The following AP2B1 variants were observed in gnomAD, a reference collection of about 807,000 sequenced individuals.
AP2B1 encodes adaptor related protein complex 2 subunit beta 1.
A neutral mutation model predicts 102.0 loss-of-function variants in AP2B1; 23 were observed. That is an observed-to-expected ratio of 0.23 (90% CI 0.16 to 0.32). The LOEUF (loss-of-function observed/expected upper bound fraction) is 0.32. AP2B1 is among the 10% of genes least tolerant of loss of function. The probability of loss-of-function intolerance (pLI) is 1.00; values close to 1 mark genes in which losing one functional copy is unlikely to be tolerated. For synonymous variants in AP2B1, 381 were observed against 421.2 expected, an observed-to-expected ratio of 0.90 and a Z score of 1.17; for missense variants, 541 against 1,157.4, an observed-to-expected ratio of 0.47 and a Z score of 7.73.
intron 9 of AP2B1, among the ~76,000 whole-genome samples, chr17:35,628,975 CAG>C (rs1464048178): frequency 2.0e-5 from 3 of 151,616 alleles, no homozygotes; most frequent in Non-Finnish European, 4.4e-5. Flanking sequence ...ATTTTTGAGA[CAG>C]AGTCTCTGTT....
At chr17:35,662,661 GTGTATA>G (rs1421965839) in intron 14 of AP2B1, among the ~76,000 whole-genome samples, 1 of 151,456 alleles carries the variant, frequency 6.6e-6, no homozygotes, top group East Asian at 1.9e-4. Context: ...TGATGCCCAT[GTGTATA>G]ACTCTTGCAT....
Position 35,657,713 on chromosome 17 carries a change from T to C in AP2B1, c.1911T>C (p.Gly637=). ...LLGDLLNLDL[G]PPVNVPQVSS... ...GGGATCTTTTAAACCTTGACCTCGG[T>C]CCCCCAGTCAATGTGCCACAGGTGT... Residue 637 remains glycine (G), a synonymous_variant, in exon 14 of 22, where the codon GGT becomes GGC. Coordinates refer to ENST00000610402, the MANE Select transcript of AP2B1 (RefSeq NM_001030006.2). The C allele has an allele frequency of 6.2e-7, 1 of 1,614,134 alleles. No homozygotes were observed.
At chr17:35,610,466 A>G (rs2073824841) in intron 5 of AP2B1, among the ~76,000 whole-genome samples, 1 of 152,016 alleles carries the variant, frequency 6.6e-6, no homozygotes, top group Admixed American at 6.5e-5. Context: ...AAAATTACAT[A>G]AAGAAATTAG....
chr17:35,635,067 T>G (rs225266), intron 9 of AP2B1, among the ~76,000 whole-genome samples: 129,270 of 151,344 alleles, frequency 0.85, 55,415 homozygotes, highest in East Asian at 0.97. Context: ...TTTGGTGGGG[T>G]TGGGGGCATA....
At chr17:35,669,935 AAC>A (rs2075550977) in intron 14 of AP2B1, among the ~76,000 whole-genome samples, 1 of 152,212 alleles carries the variant, frequency 6.6e-6, no homozygotes, top group Non-Finnish European at 1.5e-5. Context: ...TTGCTTTTTA[AAC>A]AGCTCCATTA....
intron 20 of AP2B1, chr17:35,713,721 T>G (rs2076496414): frequency 6.6e-6 from 1 of 152,234 alleles, no homozygotes; most frequent in South Asian, 2.1e-4. Flanking sequence ...ACTTTGCTCT[T>G]TCATGTCTTT....
intron 2 of AP2B1, among the ~76,000 whole-genome samples, chr17:35,595,676 A>C (rs1296890604): frequency 1.3e-5 from 2 of 152,144 alleles, no homozygotes; most frequent in African/African-American, 4.8e-5. Context: ...AAATATAGGA[A>C]TTTAATAAAG....
intron 14 of AP2B1, among the ~76,000 whole-genome samples, chr17:35,661,243 A>G (rs887117695): frequency 6.6e-6 from 1 of 152,196 alleles, no homozygotes. Context: ...CTATAAAGAA[A>G]AAAAATACTA....
Position 35,723,679 on chromosome 17 carries a change from G to C in AP2B1, c.2836G>C (p.Asp946His), listed in dbSNP as rs146388051. The change falls in exon 22 of 22, where the codon GAC becomes CAC. Residue 946 changes from aspartate to histidine, a missense_variant. This residue lies in a region of AP2B1 where 117 missense variants were observed against 206.7 expected (regional missense o/e 0.57). Transcript: ENST00000610402. ...EVSQYIYQVY[D>H]SILKN ...CTCTCAATACATCTATCAGGTCTAC[G>C]ACAGCATTTTGAAAAACTAACAAGA... 1.1e-5 allele frequency: 18 copies of C among 1,612,502 alleles called. No homozygotes were observed. Among genetic ancestry groups the C allele is most frequent in the Non-Finnish European group, 1.4e-5 (16 of 1,178,728 alleles).
At chr17:35,598,993 A>G (rs1467849359) in intron 3 of AP2B1, among the ~76,000 whole-genome samples, 5 of 152,246 alleles carry the variant, frequency 3.3e-5, no homozygotes, top group Admixed American at 3.3e-4. Context: ...GTGCCTCAGC[A>G]TGAATGAAGG....
rs587642843 is a variant in AP2B1, at chr17:35,725,617, G to T, written c.*1918G>T. 6.6e-6 allele frequency: 1 copy of T among 152,552 alleles called. No individual in the cohort carries two copies. Among genetic ancestry groups the T allele is most frequent in the African/African-American group, 2.4e-5 (1 of 41,422 alleles). 9.4% of individuals were successfully genotyped at this position (152,552 alleles called of 1,614,324 possible). A position where few individuals can be genotyped will look rare whatever the true frequency, so the allele number is the denominator to read the frequency against. ...TGGCAGTAGGAAACAGCATAGGATT[G>T]TATGTGGGAGGTGGATAGGTCGGTG... is the stretch of plus-strand genomic sequence containing the variant. On this transcript the variant is annotated 3_prime_UTR_variant, in exon 22 of 22. Transcript: ENST00000610402.
At chr17:35,676,935 G>C (rs1322165818) in intron 17 of AP2B1, among the ~76,000 whole-genome samples, 1 of 151,936 alleles carries the variant, frequency 6.6e-6, no homozygotes, top group South Asian at 2.1e-4. Context: ...TTTTTTCCCA[G>C]TCCATGGCTT....
intron 9 of AP2B1, among the ~76,000 whole-genome samples, chr17:35,628,841 G>A (rs1305350540): frequency 6.6e-6 from 1 of 152,010 alleles, no homozygotes; most frequent in African/African-American, 2.4e-5. Flanking sequence ...TCTATCAACT[G>A]TTGGCTTGCA....
Position 35,674,232 on chromosome 17 carries a change from C to A in AP2B1, c.2235C>A (p.His745Gln). ...TGGAGATTTCCGGAACATTTACTCA[C>A]CGCCAAGGGCACATCTATATGGAAA... Reference protein sequence around the residue: ...KGLEISGTFTHRQGHIYMEMN... With the variant: ...KGLEISGTFTQRQGHIYMEMN... Residue 745 changes from histidine (H) to glutamine (Q), a missense_variant, in exon 17 of 22, where the codon CAC (histidine) becomes CAA (glutamine). By Grantham distance (24) the His-to-Gln change is conservative. Coordinates refer to ENST00000610402, the MANE Select transcript of AP2B1 (RefSeq NM_001030006.2). 1 of 1,614,206 alleles carries A rather than the reference C, an allele frequency of 6.2e-7. No homozygotes were observed. Among genetic ancestry groups the A allele is most frequent in the Non-Finnish European group, 8.5e-7 (1 of 1,180,022 alleles).
At chr17:35,590,681 T>A (rs1288800965) in intron 1 of AP2B1, among the ~76,000 whole-genome samples, 1 of 152,214 alleles carries the variant, frequency 6.6e-6, no homozygotes, top group Non-Finnish European at 1.5e-5. Context: ...CTTCTAAAGA[T>A]ACTTGACCCT....
At chr17:35,718,355 T>TGTGC (rs2085245906) in intron 21 of AP2B1, among the ~76,000 whole-genome samples, 2 of 139,932 alleles carry the variant, frequency 1.4e-5, no homozygotes, top group South Asian at 4.7e-4. Context: ...TGTGTGTGTG[T>TGTGC]GTGCTCGCTC....
At chr17:35,660,018 A>G in intron 14 of AP2B1, 1 of 985,406 alleles carries the variant, frequency 1.0e-6, no homozygotes, top group Non-Finnish European at 1.2e-6. Context: ...GTTCTTATGC[A>G]AATTACCTAA....
chr17:35,640,369 T>A (rs888540517), intron 11 of AP2B1, among the ~76,000 whole-genome samples: 1 of 151,436 alleles, frequency 6.6e-6, no homozygotes, highest in Non-Finnish European at 1.5e-5. Context: ...CTCGAGTAGC[T>A]GGGATTACAG....
intron 18 of AP2B1, among the ~76,000 whole-genome samples, chr17:35,704,980 G>A (rs887175856): frequency 5.3e-5 from 8 of 152,160 alleles, no homozygotes; most frequent in African/African-American, 1.7e-4. Flanking sequence ...GCAGTGAGCC[G>A]AGATCGCGCC....
Sources: allele counts gnomAD v4.1 joint callset (sites outside exome capture counted in the v4.1 genomes callset), GRCh38; gene constraint gnomAD v4.1.1; regional missense constraint gnomAD v4.1.1; transcripts MANE v1.5; gene names NCBI Gene and HGNC (gene_info 2026-07-23, HGNC 2026-07-21).